UGT1A3: variants seen among roughly 807,000 people sequenced by gnomAD.
UGT1A3 encodes UDP glucuronosyltransferase family 1 member A3.
A neutral mutation model predicts 41.0 loss-of-function variants in UGT1A3; 31 were observed. The observed-to-expected ratio is 0.76, with a 90% CI of 0.57 to 1.02. The LOEUF (loss-of-function observed/expected upper bound fraction) is 1.02. Among genes scored for constraint, UGT1A3 ranks in the 50% least tolerant of loss-of-function variants. The pLI is 0.00. For synonymous variants in UGT1A3, 262 were observed against 257.6 expected (o/e 1.02, Z -0.17); for missense variants, 737 against 671.0 (o/e 1.10, Z -1.09).
At chr2:233,758,929 A>C (rs1287701238) in intron 1 of UGT1A3, among the ~76,000 whole-genome samples, 2 of 152,152 alleles carry the variant, frequency 1.3e-5, no homozygotes, top group Non-Finnish European at 2.9e-5. Context: ...TTCCCTTTTG[A>C]CTTCAAATCA....
chr2:233,767,304 G>T, intron 2 of UGT1A3, 139 bp downstream of exon 2: 23 of 1,525,164 alleles, frequency 1.5e-5, no homozygotes, highest in South Asian at 2.6e-5. Context: ...TTAATCCAAA[G>T]GTTTTTTTTG....
At chr2:233,757,332 C>A (rs1696493928) in intron 1 of UGT1A3, among the ~76,000 whole-genome samples, 1 of 150,622 alleles carries the variant, frequency 6.6e-6, no homozygotes, top group Non-Finnish European at 1.5e-5. Flanking sequence ...TGAAATGGGA[C>A]CATGACAGCT....
At chr2:233,757,283 G>A (rs1259796690) in intron 1 of UGT1A3, among the ~76,000 whole-genome samples, 1 of 145,382 alleles carries the variant, frequency 6.9e-6, no homozygotes, top group African/African-American at 2.6e-5. Context: ...TGATTCAGAA[G>A]GGACAGCTGG....
intron 1 of UGT1A3, chr2:233,755,024 G>C (rs533329516): frequency 1.5e-6 from 2 of 1,306,520 alleles, no homozygotes; most frequent in Admixed American, 3.8e-5. Context: ...GGTCCTTGAA[G>C]GGCCTGCCGC....
intron 1 of UGT1A3, among the ~76,000 whole-genome samples, chr2:233,757,815 T>G (rs4399719): frequency 0.55 from 83,125 of 151,008 alleles, 25,001 homozygotes; most frequent in African/African-American, 0.81. Context: ...AAGGAGCTGG[T>G]AGTGTGTCTG....
chr2:233,754,715 GCCTGTC>G, intron 1 of UGT1A3: 1 of 549,762 alleles, frequency 1.8e-6, no homozygotes, highest in Non-Finnish European at 3.3e-6. Flanking sequence ...ACTTGAAGCT[GCCTGTC>G]CCATCACTAC....
chr2:233,753,830 C>T (rs560874978), intron 1 of UGT1A3, among the ~76,000 whole-genome samples: 4 of 152,332 alleles, frequency 2.6e-5, no homozygotes, highest in Non-Finnish European at 4.4e-5. Flanking sequence ...GGGCTGAAGA[C>T]AGTCCTAGTA....
rs771141060 is a variant in UGT1A3, at chr2:233,729,803, C to G, written c.677C>G (p.Ala226Gly). 8.1e-6 allele frequency: 13 copies of G among 1,613,810 alleles called. No homozygotes were observed. Among genetic ancestry groups the G allele is most frequent in the Admixed American group, 3.3e-5 (2 of 59,994 alleles). ...YPLALSYICH[A>G]FSAPYASLAS... ...CTGGCCCTGTCCTACATTTGCCATG[C>G]TTTTTCTGCTCCTTATGCAAGCCTT... Residue 226 changes from alanine to glycine, a missense_variant, in exon 1 of 5, where the codon GCT becomes GGT. Coordinates refer to ENST00000482026, the MANE Select transcript of UGT1A3 (RefSeq NM_019093.4).
intron 1 of UGT1A3, chr2:233,741,756 G>A (rs1189560156): frequency 1.3e-5 from 2 of 151,848 alleles, no homozygotes; most frequent in Non-Finnish European, 2.9e-5. Context: ...GTTGGTTAAT[G>A]ATGTGTTCAG....
rs1328380095 is a variant in UGT1A3, at chr2:233,769,540, G to A, written c.1307+1101G>A. On this transcript the variant is annotated intron_variant, in intron 4 of 4. Coordinates refer to ENST00000482026, the MANE Select transcript of UGT1A3 (RefSeq NM_019093.4). The surrounding 1 kb of genome is among the most constrained non-coding windows in gnomAD (Gnocchi z 4.4). ...TGGTTACCTCCTTTAGAAAGAAGCA[G>A]CAGTCAGGAAGACAGATGTGAAGAG... The A allele has an allele frequency of 1.9e-6, 3 of 1,612,926 alleles. No homozygotes were observed. In the South Asian group the frequency reaches 3.3e-5, roughly 18 times the overall value.
Position 233,729,665 on chromosome 2 carries a change from T to C in UGT1A3, c.539T>C (p.Leu180Ser). ...TTTTTGAGGAACATTCCATGTGATT[T>C]AGACTTTAAGGGCACACAGTGTCCA... ...VFFLRNIPCD[L>S]DFKGTQCPNP... Residue 180 changes from leucine (L) to serine (S), a missense_variant, in exon 1 of 5, where the codon TTA becomes TCA. Leu to Ser is a moderately radical substitution (Grantham distance 145). Coordinates refer to ENST00000482026, the MANE Select transcript of UGT1A3 (RefSeq NM_019093.4). The C allele has an allele frequency of 6.2e-7, 1 of 1,613,966 alleles. No individual in the cohort carries two copies. Among genetic ancestry groups the C allele is most frequent in the Non-Finnish European group, 8.5e-7 (1 of 1,179,866 alleles).
intron 1 of UGT1A3, chr2:233,743,944 C>T (rs558062868): frequency 4.4e-5 from 59 of 1,351,522 alleles, no homozygotes; most frequent in Non-Finnish European, 5.5e-5. Flanking sequence ...GCCCACCAGG[C>T]ACTGGCACAG....
chr2:233,738,758 A>C (rs1324483464), intron 1 of UGT1A3, among the ~76,000 whole-genome samples: 1 of 152,234 alleles, frequency 6.6e-6, no homozygotes, highest in Non-Finnish European at 1.5e-5. Flanking sequence ...AGAAAAGAAA[A>C]ACCCATTTTA....
At chr2:233,739,868 G>A (rs1691228804) in intron 1 of UGT1A3, among the ~76,000 whole-genome samples, 1 of 151,904 alleles carries the variant, frequency 6.6e-6, no homozygotes. Context: ...AGAATGATAT[G>A]ATTTGACTGT....
chr2:233,732,322 T>C (rs1402745036), intron 1 of UGT1A3, among the ~76,000 whole-genome samples: 3 of 152,262 alleles, frequency 2.0e-5, no homozygotes, highest in Non-Finnish European at 4.4e-5. Context: ...ATTTTGGCTT[T>C]TGTTGCCATT....
At chr2:233,738,343 T>C (rs1471318863) in intron 1 of UGT1A3, among the ~76,000 whole-genome samples, 1 of 152,180 alleles carries the variant, frequency 6.6e-6, no homozygotes, top group Non-Finnish European at 1.5e-5. Context: ...TAAATTGGTG[T>C]CATGGAGAGT....
At chr2:233,771,833 T>G (rs1411315562) in intron 4 of UGT1A3, among the ~76,000 whole-genome samples, 1 of 137,650 alleles carries the variant, frequency 7.3e-6, no homozygotes, top group Non-Finnish European at 1.6e-5. Flanking sequence ...CCTTCCCTCC[T>G]TCTCTTCCTT....
Position 233,748,487 on chromosome 2 carries a change from A to G in UGT1A3, c.867+18494A>G, listed in dbSNP as rs58741345. 1.8e-3 allele frequency among the ~76,000 whole-genome samples: 274 copies of G among 151,976 alleles called. 7 individuals carry two copies. The highest frequency in any genetic ancestry group is 6.4e-3 in the African/African-American group (263 of 41,268). On this transcript the variant is annotated intron_variant, in intron 1 of 4. Transcript: ENST00000482026. ...ATGCAACAGCAAATTACAATTGTTAATGTGATAATTTTTAGTGGTCCTGTC... is the reference window on the plus strand; with the variant it reads ...ATGCAACAGCAAATTACAATTGTTAGTGTGATAATTTTTAGTGGTCCTGTC...
intron 1 of UGT1A3, chr2:233,760,313 G>A (rs761736540): frequency 1.9e-6 from 3 of 1,613,818 alleles, no homozygotes; most frequent in Non-Finnish European, 2.5e-6. Flanking sequence ...CAGGGCGGAC[G>A]CCCACTTGTC....
Sources: allele counts gnomAD v4.1 joint callset (sites outside exome capture counted in the v4.1 genomes callset), GRCh38; gene constraint gnomAD v4.1.1; non-coding constraint Gnocchi (gnomAD v3.1); transcripts MANE v1.5; gene names NCBI Gene and HGNC (gene_info 2026-07-23, HGNC 2026-07-21).